ADGRE3: variants seen among roughly 807,000 people sequenced by gnomAD.
ADGRE3 encodes the protein adhesion G protein-coupled receptor E3, also known as EGF-like module receptor 3.
ADGRE3 carries 88 observed loss-of-function variants against 80.1 expected under a neutral mutation model. That is an observed-to-expected ratio of 1.10 (90% confidence interval 0.93 to 1.31). The LOEUF is 1.31. Ranked by LOEUF, ADGRE3 falls within the 40% of genes most tolerant of loss-of-function variation. The pLI, the probability that ADGRE3 is intolerant of heterozygous loss-of-function variation, is 0.00. For synonymous variants in ADGRE3, 281 were observed against 294.8 expected (o/e 0.95, Z 0.48); for missense variants, 715 against 776.5 (o/e 0.92, Z 0.94).
At chr19:14,602,261 C>T in the ADGRE3 span, among the ~76,000 whole-genome samples, 2 of 151,214 alleles carry the variant, frequency 1.3e-5, no homozygotes, top group South Asian at 4.2e-4. Flanking sequence ...ATCTGATAAT[C>T]TCTGGCTTTT....
intron 13 of ADGRE3, among the ~76,000 whole-genome samples, chr19:14,631,886 A>T (rs1224459484): frequency 2.0e-5 from 3 of 152,154 alleles, no homozygotes; most frequent in Non-Finnish European, 4.4e-5. Context: ...AAGTAGCAGG[A>T]AGAGGGACAG....
intron 15 of ADGRE3, among the ~76,000 whole-genome samples, chr19:14,623,678 T>C (rs958531932): frequency 2.6e-5 from 4 of 152,150 alleles, no homozygotes; most frequent in Non-Finnish European, 4.4e-5. Flanking sequence ...CGTCACTCTG[T>C]GGGCCCACAT....
chr19:14,645,217 T>G (rs908785261), intron 8 of ADGRE3, among the ~76,000 whole-genome samples: 7 of 152,120 alleles, frequency 4.6e-5, no homozygotes, highest in African/African-American at 1.7e-4. Flanking sequence ...AGTCTGAAGC[T>G]CTCATGTTTT....
intron 2 of ADGRE3, among the ~76,000 whole-genome samples, chr19:14,667,511 T>C (rs1972136678): frequency 6.6e-6 from 1 of 152,068 alleles, no homozygotes; most frequent in South Asian, 2.1e-4. Flanking sequence ...TATGCAGCCA[T>C]AAAAAATGAT....
the ADGRE3 span, chr19:14,609,934 G>T: frequency 1.0e-5 from 7 of 669,844 alleles, no homozygotes; most frequent in South Asian, 9.3e-5. Flanking sequence ...CAGGTGTAAG[G>T]CTCCACACAC....
At chr19:14,601,450 G>T in the ADGRE3 span, among the ~76,000 whole-genome samples, 1 of 152,150 alleles carries the variant, frequency 6.6e-6, no homozygotes, top group Non-Finnish European at 1.5e-5. Context: ...ATTACTATTT[G>T]TACACAATAT....
chr19:14,630,393 CTTATT>C (rs55760456), intron 13 of ADGRE3, among the ~76,000 whole-genome samples, 186 bp from the exon 14 acceptor site: 55,272 of 148,396 alleles, frequency 0.37, 10,528 homozygotes, highest in Admixed American at 0.42. Flanking sequence ...GCTCCCTCAT[CTTATT>C]TTATTTTATT....
At chr19:14,633,667 C>T (rs748839885) in intron 11 of ADGRE3, among the ~76,000 whole-genome samples, 4 of 145,580 alleles carry the variant, frequency 2.7e-5, no homozygotes, top group South Asian at 4.2e-4. Flanking sequence ...ATCGCGCCAC[C>T]GCACTCCAGC....
At chr19:14,656,283 G>C (rs1971755277) in intron 5 of ADGRE3, among the ~76,000 whole-genome samples, 1 of 149,970 alleles carries the variant, frequency 6.7e-6, no homozygotes, top group Non-Finnish European at 1.5e-5. Flanking sequence ...AGGCAGAGGA[G>C]GCAGATGTTG....
intron 11 of ADGRE3, among the ~76,000 whole-genome samples, chr19:14,633,696 C>T (rs1260186205): frequency 7.3e-6 from 1 of 137,790 alleles, no homozygotes; most frequent in African/African-American, 2.8e-5. Flanking sequence ...CAGACTGAGA[C>T]TCCGTCTCAA....
At chr19:14,634,057 G>A (rs1261934979) in intron 11 of ADGRE3, among the ~76,000 whole-genome samples, 1 of 152,066 alleles carries the variant, frequency 6.6e-6, no homozygotes, top group Non-Finnish European at 1.5e-5. Context: ...GATTACAGGC[G>A]TGAGCCACCA....
the ADGRE3 span, among the ~76,000 whole-genome samples, chr19:14,608,577 C>T: frequency 6.6e-6 from 1 of 151,564 alleles, no homozygotes; most frequent in Admixed American, 6.6e-5. Context: ...ATATCAAGCT[C>T]TCCAGGCTAA....
At chr19:14,616,120 C>T (rs1269400904), downstream of ADGRE3, among the ~76,000 whole-genome samples, 2 of 152,038 alleles carry the variant, frequency 1.3e-5, no homozygotes, top group African/African-American at 2.4e-5. Flanking sequence ...TTAGTAGAGA[C>T]GGGGTGTCAC....
At chr19:14,652,013 G>C (rs1200015377) in intron 6 of ADGRE3, among the ~76,000 whole-genome samples, 1 of 152,186 alleles carries the variant, frequency 6.6e-6, no homozygotes, top group Admixed American at 6.5e-5. Context: ...CTGTACTCCA[G>C]CCTGGATGAT....
intron 2 of ADGRE3, among the ~76,000 whole-genome samples, chr19:14,668,449 T>C (rs559874542): frequency 1.3e-5 from 2 of 152,240 alleles, no homozygotes; most frequent in Admixed American, 1.3e-4. Flanking sequence ...TTGTTCATTA[T>C]TGGTTGACTT....
At chr19:14,624,934 G>A (rs376576086) in intron 15 of ADGRE3, among the ~76,000 whole-genome samples, 2 of 151,440 alleles carry the variant, frequency 1.3e-5, no homozygotes, top group Non-Finnish European at 1.5e-5. Context: ...GACGTTGGAG[G>A]GGGGAGAGCA....
the ADGRE3 span, among the ~76,000 whole-genome samples, chr19:14,605,315 C>G: frequency 2.0e-5 from 3 of 151,972 alleles, no homozygotes; most frequent in African/African-American, 7.2e-5. Flanking sequence ...AAGCTGGTCT[C>G]GAACTCCTGA....
At chr19:14,652,587 C>T (rs1243088631) in intron 6 of ADGRE3, among the ~76,000 whole-genome samples, 1 of 151,820 alleles carries the variant, frequency 6.6e-6, no homozygotes, top group Non-Finnish European at 1.5e-5. Flanking sequence ...CAAGACCAGC[C>T]TGGCCAACAT....
chr19:14,667,646 C>A (rs918545436), intron 2 of ADGRE3, among the ~76,000 whole-genome samples: 1 of 151,564 alleles, frequency 6.6e-6, no homozygotes, highest in Non-Finnish European at 1.5e-5. Context: ...ACAACGAGAA[C>A]ATTTGGACAC....
Sources: allele counts gnomAD v4.1 joint callset (sites outside exome capture counted in the v4.1 genomes callset), GRCh38; gene constraint gnomAD v4.1.1; transcripts MANE v1.5; gene names NCBI Gene and HGNC (gene_info 2026-07-23, HGNC 2026-07-21).